Variants in PDZD2 observed in about 807,000 individuals in gnomAD.
The protein encoded by PDZD2 is PDZ domain-containing protein 2.
Under a neutral mutation model 220.7 loss-of-function variants are expected in PDZD2, and 90 were observed. The ratio of observed to expected loss-of-function variants is 0.41; its 90% CI spans 0.34 to 0.49. The LOEUF is 0.49. Among genes scored for constraint, PDZD2 ranks in the 20% least tolerant of loss-of-function variants. The pLI is 0.28. For synonymous variants in PDZD2, 1,375 were observed against 1,450.5 expected, an observed-to-expected ratio of 0.95 and a Z score of 1.18; for missense variants, 3,174 against 3,608.5, an observed-to-expected ratio of 0.88 and a Z score of 3.08.
intron 2 of PDZD2, among the ~76,000 whole-genome samples, chr5:31,915,327 T>C (rs1743588259): frequency 6.6e-6 from 1 of 152,220 alleles, no homozygotes; most frequent in Admixed American, 6.5e-5. Flanking sequence ...CCCCAGATTC[T>C]GCTCATTCCT....
chr5:31,801,902 A>G (rs889648923), intron 2 of PDZD2, among the ~76,000 whole-genome samples: 4 of 152,092 alleles, frequency 2.6e-5, no homozygotes, highest in Admixed American at 1.3e-4. Flanking sequence ...GCCTCTAAGA[A>G]CCTATCTACC....
chr5:31,997,603 A>G (rs1033606383), intron 4 of PDZD2, among the ~76,000 whole-genome samples: 1 of 152,176 alleles, frequency 6.6e-6, no homozygotes, highest in Non-Finnish European at 1.5e-5. Flanking sequence ...TCTTCCTTTA[A>G]CAAGTTGGCC....
At chr5:31,827,708 TA>T (rs376864067) in intron 2 of PDZD2, among the ~76,000 whole-genome samples, 2 of 145,534 alleles carry the variant, frequency 1.4e-5, no homozygotes, top group African/African-American at 2.5e-5. Flanking sequence ...AATAAATAAA[TA>T]AAAAAATAAA....
intron 8 of PDZD2, among the ~76,000 whole-genome samples, chr5:32,050,835 A>T (rs1581378239): frequency 6.6e-6 from 1 of 152,150 alleles, no homozygotes; most frequent in Non-Finnish European, 1.5e-5. Flanking sequence ...ATAAACAAAT[A>T]AAATAAATAA....
chr5:31,859,558 A>G (rs1389046882), intron 2 of PDZD2, among the ~76,000 whole-genome samples: 1 of 152,108 alleles, frequency 6.6e-6, no homozygotes, highest in Non-Finnish European at 1.5e-5. Flanking sequence ...AAGCTTCTCA[A>G]TTCTCTGTAG....
intron 2 of PDZD2, among the ~76,000 whole-genome samples, chr5:31,848,917 C>T (rs917680795): frequency 6.6e-6 from 1 of 151,680 alleles, no homozygotes; most frequent in African/African-American, 2.4e-5. Flanking sequence ...GGCGTGGTGG[C>T]AGGCGCCTGT....
chr5:32,049,264 C>G (rs1219860906), intron 8 of PDZD2, among the ~76,000 whole-genome samples: 1 of 152,202 alleles, frequency 6.6e-6, no homozygotes, highest in Non-Finnish European at 1.5e-5. Flanking sequence ...TCTCAGCATC[C>G]TCAACCTGGT....
At chr5:31,745,752 A>G (rs919996894) in intron 1 of PDZD2, among the ~76,000 whole-genome samples, 8 of 150,992 alleles carry the variant, frequency 5.3e-5, no homozygotes, top group Admixed American at 2.0e-4. Context: ...ATCTTAGTGA[A>G]TGTTCAGTGA....
At position 31,869,330 on chromosome 5, in the gene PDZD2, A is replaced by G. The variant is rs78885316; in HGVS notation, c.476+69606A>G. On this transcript the variant is annotated intron_variant, in intron 2 of 24. Coordinates refer to ENST00000438447, the MANE Select transcript of PDZD2 (RefSeq NM_178140.4). ...TTCTTCCTGACTCACTGTCCCTGTG[A>G]CGTGTGTTCATCAGCACAGTCCATC... Among the ~76,000 whole-genome samples the G allele has an allele frequency of 4.9e-3, 746 of 152,134 alleles. 4 individuals are homozygous for G. Among genetic ancestry groups the G allele is most frequent in the Middle Eastern group, 0.017 (5 of 294 alleles).
At chr5:31,779,273 G>A (rs1027195799) in intron 1 of PDZD2, among the ~76,000 whole-genome samples, 1 of 151,996 alleles carries the variant, frequency 6.6e-6, no homozygotes, top group African/African-American at 2.4e-5. Flanking sequence ...CACAGGACTG[G>A]GCTTGTGTAA....
chr5:32,049,979 G>A (rs1164352134), intron 8 of PDZD2, among the ~76,000 whole-genome samples: 1 of 152,170 alleles, frequency 6.6e-6, no homozygotes, highest in Non-Finnish European at 1.5e-5. Context: ...TGTTGCCCAG[G>A]CTAGAGTTCA....
chr5:31,926,625 GTAAGT>G (rs2150386339), intron 2 of PDZD2, among the ~76,000 whole-genome samples: 1 of 151,888 alleles, frequency 6.6e-6, no homozygotes, highest in South Asian at 2.1e-4. Context: ...TGGTGTGAAT[GTAAGT>G]TAGTTTGACC....
intron 1 of PDZD2, among the ~76,000 whole-genome samples, chr5:31,717,119 A>T (rs911998283): frequency 4.3e-4 from 65 of 152,280 alleles, no homozygotes; most frequent in Admixed American, 1.6e-3. Flanking sequence ...AAAGAAAATT[A>T]AAAAAAAGAG....
chr5:32,109,244 T>TAACA lies in PDZD2; in HGVS notation c.*1110_*1113dup, dbSNP rs1358145824. ...TCTTTCCCAACATGTTTAAGAAATG[T>TAACA]AACATTCTAAGTATTGGATCTCTTT... is the stretch of plus-strand genomic sequence containing the variant. On this transcript the variant is annotated 3_prime_UTR_variant, in exon 25 of 25. Transcript: ENST00000438447. 2.0e-5 allele frequency: 3 copies of TAACA among 152,352 alleles called. No individual in the cohort carries two copies. The highest frequency in any genetic ancestry group is 6.5e-5 in the Admixed American group (1 of 15,306). 9.4% of individuals were successfully genotyped at this position (152,352 alleles called of 1,614,324 possible).
chr5:31,697,894 ATTATTATCATTTT>A (rs1747441652), intron 1 of PDZD2, among the ~76,000 whole-genome samples: 1 of 117,676 alleles, frequency 8.5e-6, no homozygotes, highest in Non-Finnish European at 1.7e-5. Flanking sequence ...TATTATTATT[ATTATTATCATTTT>A]TTATCATTTT....
At chr5:32,072,091 G>A (rs148329845) in intron 16 of PDZD2, 70 bp from the exon 17 acceptor site, 96 of 1,069,148 alleles carry the variant, frequency 9.0e-5, no homozygotes, top group Non-Finnish European at 1.3e-4. Flanking sequence ...GGAAAGATAG[G>A]ACGTAATAAC....
At chr5:31,980,451 C>T (rs1177226588) in intron 2 of PDZD2, among the ~76,000 whole-genome samples, 2 of 152,186 alleles carry the variant, frequency 1.3e-5, no homozygotes, top group South Asian at 4.1e-4. Context: ...GAATGGAAGA[C>T]CCAGCTGTCA....
intron 1 of PDZD2, among the ~76,000 whole-genome samples, chr5:31,653,968 T>G (rs1745447986): frequency 6.6e-6 from 1 of 152,146 alleles, no homozygotes. Flanking sequence ...ATATTTTTAG[T>G]AGAGACGGGG....
At chr5:31,972,259 G>A (rs1749368686) in intron 2 of PDZD2, among the ~76,000 whole-genome samples, 1 of 152,086 alleles carries the variant, frequency 6.6e-6, no homozygotes, top group African/African-American at 2.4e-5. Context: ...GACCAGAGGT[G>A]CACACAACTG....
Sources: allele counts gnomAD v4.1 joint callset (sites outside exome capture counted in the v4.1 genomes callset), GRCh38; gene constraint gnomAD v4.1.1; transcripts MANE v1.5; gene names NCBI Gene and HGNC (gene_info 2026-07-23, HGNC 2026-07-21).